Variants in SEL1L2 observed in about 807,000 individuals in gnomAD.
The protein encoded by SEL1L2 is protein sel-1 homolog 2.
Under a neutral mutation model 98.8 loss-of-function variants are expected in SEL1L2, and 89 were observed. The observed-to-expected ratio is 0.90, with a 90% CI of 0.76 to 1.07. SEL1L2 has a LOEUF of 1.07. Ranked by LOEUF, SEL1L2 falls within the 50% of genes least tolerant of loss-of-function variation. SEL1L2 has a pLI of 0.00. For missense variants in SEL1L2, 788 were observed against 812.0 expected (o/e 0.97, Z 0.36); for synonymous variants, 262 against 278.5 (o/e 0.94, Z 0.59).
intron 5 of SEL1L2, among the ~76,000 whole-genome samples, chr20:13,896,276 C>T (rs761110031): frequency 6.6e-6 from 1 of 152,118 alleles, no homozygotes; most frequent in Non-Finnish European, 1.5e-5. Flanking sequence ...TCAAGACCAT[C>T]CTGGCCAACA....
chr20:13,904,984 G>T (rs980176650), intron 5 of SEL1L2, among the ~76,000 whole-genome samples: 1 of 152,166 alleles, frequency 6.6e-6, no homozygotes, highest in Non-Finnish European at 1.5e-5. Flanking sequence ...GTGAGCTCAG[G>T]AAGTTGTGAA....
At chr20:13,986,328 C>T (rs768248764) in intron 1 of SEL1L2, among the ~76,000 whole-genome samples, 4 of 152,128 alleles carry the variant, frequency 2.6e-5, no homozygotes, top group Non-Finnish European at 4.4e-5. Flanking sequence ...GTTGTACAGC[C>T]ATTACCTTTC....
At chr20:13,867,715 C>T (rs777416704) in intron 14 of SEL1L2, among the ~76,000 whole-genome samples, 8 of 152,004 alleles carry the variant, frequency 5.3e-5, no homozygotes, top group Non-Finnish European at 8.8e-5. Flanking sequence ...TTAAAACATA[C>T]GAAATGAGTT....
At chr20:13,960,865 T>C (rs2050745963) in intron 1 of SEL1L2, among the ~76,000 whole-genome samples, 1 of 152,204 alleles carries the variant, frequency 6.6e-6, no homozygotes, top group South Asian at 2.1e-4. Flanking sequence ...TTTAGGGATA[T>C]GTTTCATAAT....
intron 4 of SEL1L2, chr20:13,915,053 A>C (rs2148198472): frequency 8.1e-7 from 1 of 1,238,812 alleles, no homozygotes; most frequent in Non-Finnish European, 1.0e-6. Flanking sequence ...CCTTGACTCA[A>C]ATACAGGGAA....
chr20:13,949,501 A>G (rs993514991), intron 2 of SEL1L2, among the ~76,000 whole-genome samples: 2 of 152,146 alleles, frequency 1.3e-5, no homozygotes, highest in Non-Finnish European at 2.9e-5. Flanking sequence ...CATCTCTACT[A>G]AAAATACAAA....
chr20:13,883,911 A>G (rs2046827345), intron 10 of SEL1L2, among the ~76,000 whole-genome samples: 1 of 152,252 alleles, frequency 6.6e-6, no homozygotes, highest in Admixed American at 6.5e-5. Flanking sequence ...CTGAAATCTG[A>G]CAGAGTAAAA....
At chr20:13,982,853 G>A (rs572851222) in intron 1 of SEL1L2, among the ~76,000 whole-genome samples, 57 of 150,508 alleles carry the variant, frequency 3.8e-4, no homozygotes, top group Non-Finnish European at 7.2e-4. Flanking sequence ...GTGAAACCCC[G>A]TCTCTACTAA....
chr20:13,935,561 C>T (rs1389848123), intron 2 of SEL1L2, among the ~76,000 whole-genome samples: 3 of 152,020 alleles, frequency 2.0e-5, no homozygotes, highest in African/African-American at 4.8e-5. Context: ...CAATGGCAAA[C>T]GCAAAGGCGC....
chr20:13,887,092 T>A (rs1389493850), intron 8 of SEL1L2, among the ~76,000 whole-genome samples: 1 of 152,198 alleles, frequency 6.6e-6, no homozygotes, highest in Non-Finnish European at 1.5e-5. Flanking sequence ...GAATAATCAC[T>A]GCTCTTTAAT....
chr20:13,926,252 T>C (rs537543354), intron 3 of SEL1L2, among the ~76,000 whole-genome samples: 168 of 152,200 alleles, frequency 1.1e-3, no homozygotes, highest in African/African-American at 3.8e-3. Flanking sequence ...GAGGCGGAGC[T>C]TGTAGTGAGC....
In SEL1L2 at chr20:13,908,103, CTTTTTTTTTTTTTTTTT is replaced by C. The variant is rs71188195; in HGVS notation, c.549+5662_549+5678del. Among the ~76,000 whole-genome samples, 7 of 26,746 alleles carry C rather than the reference CTTTTTTTTTTTTTTTTT, an allele frequency of 2.6e-4. No individual in the cohort carries two copies. In the East Asian group the frequency reaches 8.4e-3, roughly 32 times the overall value. The allele number at this position is 26,746 out of a possible 152,430, so 17.5% of individuals were successfully genotyped here. On this transcript the variant is annotated intron_variant, in intron 5 of 19. Transcript: ENST00000284951. Reference sequence around the variant, plus strand: ...TGCCTGGCTGATCAATTTCTTGGTTCTTTTTTTTTTTTTTTTTTTTTTTTTTTTTTTTGAGACAGGGT... The same window carrying C: ...TGCCTGGCTGATCAATTTCTTGGTTCTTTTTTTTTTTTTTTGAGACAGGGT...
chr20:13,940,312 C>G (rs563192966), intron 2 of SEL1L2, among the ~76,000 whole-genome samples: 5 of 152,266 alleles, frequency 3.3e-5, no homozygotes, highest in African/African-American at 1.2e-4. Context: ...GACAAAAAAG[C>G]AGTTCTGCAA....
chr20:13,960,185 A>T (rs1569045088), intron 1 of SEL1L2, among the ~76,000 whole-genome samples: 1 of 152,224 alleles, frequency 6.6e-6, no homozygotes, highest in East Asian at 1.9e-4. Flanking sequence ...ACAGAATAAA[A>T]TTAGAGTTAG....
chr20:13,855,376 T>C (rs1425621815), intron 18 of SEL1L2, among the ~76,000 whole-genome samples: 1 of 152,108 alleles, frequency 6.6e-6, no homozygotes, highest in Non-Finnish European at 1.5e-5. Context: ...TTTTTATTTG[T>C]ATGTTTGCTT....
intron 2 of SEL1L2, among the ~76,000 whole-genome samples, chr20:13,950,907 C>G (rs1394059463): frequency 6.6e-6 from 1 of 152,102 alleles, no homozygotes; most frequent in Non-Finnish European, 1.5e-5. Context: ...CAGGAGACAA[C>G]TAGGTTTCAG....
intron 5 of SEL1L2, among the ~76,000 whole-genome samples, chr20:13,911,680 G>A (rs2048210163): frequency 6.6e-6 from 1 of 152,092 alleles, no homozygotes; most frequent in Non-Finnish European, 1.5e-5. Flanking sequence ...ATGTCGGTCT[G>A]TATATATTAA....
chr20:13,929,535 G>A (rs1373425731), intron 3 of SEL1L2, among the ~76,000 whole-genome samples: 1 of 110,414 alleles, frequency 9.1e-6, no homozygotes, highest in East Asian at 3.1e-4. Flanking sequence ...TCGCTCTGTC[G>A]CCCAGGCTGG....
At chr20:13,882,154 G>A (rs2046733136) in intron 10 of SEL1L2, among the ~76,000 whole-genome samples, 1 of 152,186 alleles carries the variant, frequency 6.6e-6, no homozygotes, top group South Asian at 2.1e-4. Flanking sequence ...TATCCTGTCT[G>A]AGGAGGAGAG....
Sources: allele counts gnomAD v4.1 joint callset (sites outside exome capture counted in the v4.1 genomes callset), GRCh38; gene constraint gnomAD v4.1.1; transcripts MANE v1.5; gene names NCBI Gene and HGNC (gene_info 2026-07-23, HGNC 2026-07-21).